ARHGAP18: variants seen among roughly 807,000 people sequenced by gnomAD.
The protein encoded by ARHGAP18 is Rho GTPase activating protein 18.
A neutral mutation model predicts 86.2 loss-of-function variants in ARHGAP18; 67 were observed. The observed-to-expected ratio is 0.78, with a 90% CI of 0.64 to 0.95. The LOEUF is 0.95. ARHGAP18 is among the 40% of genes least tolerant of loss of function. The pLI is 0.00. For synonymous variants in ARHGAP18, 283 were observed against 280.4 expected (o/e 1.01, Z -0.09); for missense variants, 691 against 780.4 (o/e 0.89, Z 1.37).
intron 12 of ARHGAP18, among the ~76,000 whole-genome samples, chr6:129,593,758 T>C (rs548711792): frequency 9.8e-5 from 15 of 152,306 alleles, no homozygotes; most frequent in Admixed American, 9.8e-4. Context: ...TTCCTCCAAC[T>C]GTTTCTTCCT....
chr6:129,655,904 G>A (rs892496080), intron 1 of ARHGAP18, among the ~76,000 whole-genome samples: 10 of 152,166 alleles, frequency 6.6e-5, no homozygotes, highest in African/African-American at 2.4e-4. Flanking sequence ...AATCATTGCA[G>A]TTATGGTTTT....
At chr6:129,659,133 G>A (rs562624392) in intron 1 of ARHGAP18, among the ~76,000 whole-genome samples, 2 of 152,224 alleles carry the variant, frequency 1.3e-5, no homozygotes, top group South Asian at 2.1e-4. Flanking sequence ...TTGAAATCCT[G>A]CACATAATTT....
In ARHGAP18 at chr6:129,710,024, C is replaced by T; in HGVS notation, c.113G>A (p.Ser38Asn). The change falls in exon 1 of 15, where the codon AGT becomes AAT. Residue 38 changes from serine (S) to asparagine (N), a missense_variant and splice_region_variant. Physicochemically the swap from Ser to Asn is conservative, Grantham distance 46 (BLOSUM62 1). Coordinates refer to ENST00000368149, the MANE Select transcript of ARHGAP18 (RefSeq NM_033515.3). ...HAKAGEEATS[S>N]RRYGQYTMNQ... ...TTGTTTTCAGCTTCCGAAGGCTTAC[C>T]TCGAGGTGGCTTCCTCCCCTGCCTT... 1.2e-6 allele frequency: 2 copies of T among 1,613,378 alleles called. No homozygotes were observed. Among genetic ancestry groups the T allele is most frequent in the Non-Finnish European group, 1.7e-6 (2 of 1,179,294 alleles).
chr6:129,600,620 A>G (rs1788716895), intron 11 of ARHGAP18, 22 bp downstream of exon 11: 1 of 1,574,528 alleles, frequency 6.4e-7, no homozygotes. Context: ...TACTAAGACC[A>G]AAGCATATGA....
chr6:129,594,366 C>T lies in ARHGAP18; in HGVS notation c.1713+4850G>A, dbSNP rs1206359575. ...CCTGGGCTTCAGAGAAAATATACAT[C>T]CTTCAACTTTCTCTTACTTCCTATT... On this transcript the variant is annotated intron_variant, in intron 12 of 14. Transcript: ENST00000368149. 3.9e-5 allele frequency among the ~76,000 whole-genome samples: 6 copies of T among 152,250 alleles called. No homozygotes were observed. The East Asian group carries it at 1.2e-3, about 29-fold the overall frequency.
At chr6:129,666,686 A>G (rs1774047008) in intron 1 of ARHGAP18, among the ~76,000 whole-genome samples, 1 of 152,156 alleles carries the variant, frequency 6.6e-6, no homozygotes, top group Non-Finnish European at 1.5e-5. Context: ...CCTATTATAA[A>G]CTGATTTACA....
chr6:129,651,463 C>T (rs578246705), intron 1 of ARHGAP18, among the ~76,000 whole-genome samples: 8 of 152,248 alleles, frequency 5.3e-5, no homozygotes, highest in African/African-American at 1.9e-4. Context: ...ATGCCTTACT[C>T]TCTGGTTGGG....
chr6:129,697,843 A>G (rs896632127), intron 1 of ARHGAP18, among the ~76,000 whole-genome samples: 1 of 152,228 alleles, frequency 6.6e-6, no homozygotes, highest in African/African-American at 2.4e-5. Context: ...TCACCTAAAA[A>G]TATTCCATCA....
rs1046085762 is a variant in ARHGAP18, at chr6:129,576,219, C to T, written c.*2294G>A. On this transcript the variant is annotated 3_prime_UTR_variant, in exon 15 of 15. Transcript: ENST00000368149. ...TAAAAATCTAGCCTGAGATTTAAAACTCACTAAGGAAAAAAAATCACAGCA... is the reference window on the plus strand; with the variant it reads ...TAAAAATCTAGCCTGAGATTTAAAATTCACTAAGGAAAAAAAATCACAGCA... 6 of 152,114 alleles carry T rather than the reference C, an allele frequency of 3.9e-5. No individual in the cohort carries two copies. Among genetic ancestry groups the T allele is most frequent in the African/African-American group, 1.4e-4 (6 of 41,436 alleles). The allele number at this position is 152,114 out of a possible 1,614,324, so 9.4% of individuals were successfully genotyped here. A position where few individuals can be genotyped will look rare whatever the true frequency, so the allele number is the denominator to read the frequency against.
chr6:129,656,761 G>A (rs142327507), intron 1 of ARHGAP18, among the ~76,000 whole-genome samples: 99 of 152,322 alleles, frequency 6.5e-4, no homozygotes, highest in African/African-American at 2.2e-3. Context: ...AGCTCTCCCA[G>A]AGCCAACAGT....
intron 1 of ARHGAP18, among the ~76,000 whole-genome samples, chr6:129,704,055 T>A (rs1050162097): frequency 1.3e-5 from 2 of 152,168 alleles, no homozygotes; most frequent in Non-Finnish European, 2.9e-5. Flanking sequence ...CATAGGTTTT[T>A]AAAATCCTGT....
intron 3 of ARHGAP18, among the ~76,000 whole-genome samples, chr6:129,636,977 C>G (rs73592419): frequency 4.8e-4 from 73 of 152,300 alleles, no homozygotes; most frequent in African/African-American, 1.7e-3. Flanking sequence ...GATGCCCTTA[C>G]AGGTAAGTAA....
At chr6:129,637,223 C>T (rs960206644) in intron 3 of ARHGAP18, among the ~76,000 whole-genome samples, 3 of 151,626 alleles carry the variant, frequency 2.0e-5, no homozygotes, top group African/African-American at 7.2e-5. Flanking sequence ...TGCCACCGCA[C>T]CCAGCTAATT....
rs1431451979 is a variant in ARHGAP18, at chr6:129,641,719, C to T, written c.316+97G>A. 5 of 1,182,354 alleles carry T rather than the reference C, an allele frequency of 4.2e-6. No individual in the cohort carries two copies. The African/African-American group carries it at 4.7e-5, about 11-fold the overall frequency. 73.2% of individuals were successfully genotyped at this position (1,182,354 alleles called of 1,614,324 possible). A position where few individuals can be genotyped will look rare whatever the true frequency, so the allele number is the denominator to read the frequency against. Reference sequence around the variant, plus strand: ...AAGGCAGTATCTTTTTTTGGTGGTCCTAGCTTTAATTTTTTTTTTGTTCTC... The same window carrying T: ...AAGGCAGTATCTTTTTTTGGTGGTCTTAGCTTTAATTTTTTTTTTGTTCTC... On this transcript the variant is annotated intron_variant, in intron 2 of 14. Transcript: ENST00000368149.
At chr6:129,604,210 C>A (rs956413490) in intron 10 of ARHGAP18, among the ~76,000 whole-genome samples, 8 of 150,792 alleles carry the variant, frequency 5.3e-5, no homozygotes, top group East Asian at 4.0e-4. Context: ...ACTCCCCCCC[C>A]CCTTAATTAT....
intron 2 of ARHGAP18, among the ~76,000 whole-genome samples, chr6:129,640,448 T>C (rs1040806260): frequency 3.3e-5 from 5 of 152,176 alleles, no homozygotes; most frequent in Admixed American, 6.5e-5. Flanking sequence ...TCTTGAAACA[T>C]GGAGAAAGAA....
At chr6:129,591,991 A>G (rs1401643520) in intron 12 of ARHGAP18, among the ~76,000 whole-genome samples, 1 of 152,208 alleles carries the variant, frequency 6.6e-6, no homozygotes, top group Non-Finnish European at 1.5e-5. Context: ...TTGTTATCCA[A>G]ATGCCTTAAA....
intron 1 of ARHGAP18, among the ~76,000 whole-genome samples, chr6:129,697,367 G>A (rs1774635737): frequency 6.6e-6 from 1 of 152,070 alleles, no homozygotes; most frequent in Non-Finnish European, 1.5e-5. Context: ...ACAGACAACT[G>A]AAACCACCAC....
intron 12 of ARHGAP18, among the ~76,000 whole-genome samples, chr6:129,594,019 C>G (rs1452423465): frequency 1.3e-5 from 2 of 151,924 alleles, no homozygotes; most frequent in Non-Finnish European, 2.9e-5. Flanking sequence ...ACTGTTTTAC[C>G]CAGGCTGGCA....
Sources: gnomAD v4.1 joint callset for allele counts (sites outside exome capture counted in the v4.1 genomes callset) on GRCh38, gnomAD v4.1.1 for gene constraint, MANE v1.5 for transcripts, NCBI Gene and HGNC (gene_info 2026-07-23, HGNC 2026-07-21) for gene names.